Variants in PDE1C observed in about 807,000 individuals in gnomAD.
The protein encoded by PDE1C is dual specificity calcium/calmodulin-dependent 3',5'-cyclic nucleotide phosphodiesterase 1C.
In PDE1C, 62 loss-of-function variants were observed where a neutral mutation model predicts 93.1. The observed-to-expected ratio is 0.67, with a 90% CI of 0.54 to 0.82. PDE1C has a LOEUF of 0.82. PDE1C is among the 40% of genes least tolerant of loss of function. The probability of loss-of-function intolerance (pLI) is 0.00; values close to 1 mark genes in which losing one functional copy is unlikely to be tolerated. For missense variants in PDE1C, 742 were observed against 884.6 expected (o/e 0.84, Z 2.04); for synonymous variants, 325 against 310.1 (o/e 1.05, Z -0.50).
At chr7:31,960,014 C>A (rs1249581256) in intron 2 of PDE1C, among the ~76,000 whole-genome samples, 2 of 141,724 alleles carry the variant, frequency 1.4e-5, no homozygotes, top group African/African-American at 5.1e-5. Context: ...TACAAGCGCC[C>A]ACCATCACGC....
chr7:31,656,603 T>G, the PDE1C span: 2 of 467,126 alleles, frequency 4.3e-6, no homozygotes, highest in Non-Finnish European at 5.6e-6. Context: ...GAGGATAAAT[T>G]ATCAGTCTCA....
chr7:31,617,940 G>A, the PDE1C span, among the ~76,000 whole-genome samples: 1 of 152,152 alleles, frequency 6.6e-6, no homozygotes, highest in African/African-American at 2.4e-5. Context: ...TTGTAGTAAA[G>A]AAAATGGTAG....
chr7:32,170,288 G>C (rs1006245367), intron 2 of PDE1C, among the ~76,000 whole-genome samples: 3 of 151,976 alleles, frequency 2.0e-5, no homozygotes, highest in Non-Finnish European at 2.9e-5. Context: ...CCATTTTAGG[G>C]AACTGTGAGG....
intron 2 of PDE1C, among the ~76,000 whole-genome samples, chr7:32,042,531 A>G (rs986937841): frequency 9.2e-5 from 14 of 152,178 alleles, no homozygotes; most frequent in African/African-American, 3.4e-4. Flanking sequence ...CACCTGGCAC[A>G]CTGTAGACAC....
chr7:32,201,765 A>G (rs4720054), intron 2 of PDE1C, among the ~76,000 whole-genome samples: 32,869 of 152,202 alleles, frequency 0.22, 4,326 homozygotes, highest in Admixed American at 0.34. Flanking sequence ...TAGAATGGCT[A>G]AATGGACTGT....
At chr7:31,726,334 A>G in the PDE1C span, among the ~76,000 whole-genome samples, 2 of 152,226 alleles carry the variant, frequency 1.3e-5, no homozygotes, top group African/African-American at 2.4e-5. Flanking sequence ...CTGGGATTAT[A>G]GGTGGGAGCC....
At chr7:31,911,807 G>A (rs1400206637) in intron 2 of PDE1C, among the ~76,000 whole-genome samples, 1 of 152,176 alleles carries the variant, frequency 6.6e-6, no homozygotes, top group South Asian at 2.1e-4. Context: ...TAGAAAATCT[G>A]TGCAAATACC....
intron 2 of PDE1C, among the ~76,000 whole-genome samples, chr7:32,035,213 G>A (rs934714300): frequency 6.6e-6 from 1 of 151,686 alleles, no homozygotes; most frequent in South Asian, 2.1e-4. Context: ...TAAGACAAAC[G>A]CCTCCACAAC....
chr7:32,284,438 A>C (rs1042311091), intron 1 of PDE1C, among the ~76,000 whole-genome samples: 1 of 152,260 alleles, frequency 6.6e-6, no homozygotes, highest in Non-Finnish European at 1.5e-5. Flanking sequence ...CCTAGTACCT[A>C]GTATTCCAAA....
chr7:32,065,166 T>C lies in PDE1C; in HGVS notation c.101+5127A>G, dbSNP rs142757119. 2.2e-3 allele frequency among the ~76,000 whole-genome samples: 334 copies of C among 152,254 alleles called. 1 individual carries two copies. The highest frequency in any genetic ancestry group is 7.4e-3 in the African/African-American group (307 of 41,560). ...CCAACCATACTCTCTCCTTAGGGAA[T>C]TCTCAATGAGTGGTGAACATAGAGA... On this transcript the variant is annotated intron_variant, in intron 1 of 17. Transcript: ENST00000396191.
intron 1 of PDE1C, among the ~76,000 whole-genome samples, chr7:32,240,073 TTTG>T (rs1474790676): frequency 6.6e-6 from 1 of 152,212 alleles, no homozygotes; most frequent in Non-Finnish European, 1.5e-5. Flanking sequence ...GTGTGGATTT[TTTG>T]TTGTTTGTTT....
chr7:31,648,855 G>T, the PDE1C span, among the ~76,000 whole-genome samples: 1 of 152,336 alleles, frequency 6.6e-6, no homozygotes, highest in East Asian at 1.9e-4. Flanking sequence ...TAGAAGAAAA[G>T]AAATGAAACA....
chr7:32,406,457 A>C (rs1024696912), intron 1 of PDE1C, among the ~76,000 whole-genome samples: 1 of 151,594 alleles, frequency 6.6e-6, no homozygotes, highest in Non-Finnish European at 1.5e-5. Flanking sequence ...AAAAAATGCT[A>C]CTGAAAGCTG....
At chr7:32,070,965 T>G, upstream of PDE1C, 1 of 985,534 alleles carries the variant, frequency 1.0e-6, no homozygotes, top group Non-Finnish European at 1.2e-6. Context: ...GCCCCTCTGT[T>G]TTCTCTCACT....
chr7:32,264,449 G>T (rs886287522), intron 1 of PDE1C, among the ~76,000 whole-genome samples: 6 of 152,130 alleles, frequency 3.9e-5, no homozygotes, highest in Non-Finnish European at 8.8e-5. Flanking sequence ...CGACTACACC[G>T]AAATGTAAAC....
At position 31,888,218 on chromosome 7, in the gene PDE1C, C is replaced by G. The variant is rs189781482; in HGVS notation, c.129-7358G>C. 1.6e-4 allele frequency among the ~76,000 whole-genome samples: 22 copies of G among 133,556 alleles called. 1 individual carries two copies. In the East Asian group the frequency reaches 4.8e-3, roughly 29 times the overall value. The allele number at this position is 133,556 out of a possible 152,430, so 87.6% of individuals were successfully genotyped here. A position where few individuals can be genotyped will look rare whatever the true frequency, so the allele number is the denominator to read the frequency against. ...TGAGCCGAGATTGTGCCACTGCACT[C>G]CAGCCTGGGTGACAGAGCGAGACTC... is the stretch of plus-strand genomic sequence containing the variant. On this transcript the variant is annotated intron_variant, in intron 2 of 17. Transcript: ENST00000396191.
At position 32,312,293 on chromosome 7, in the gene PDE1C, G is replaced by A. The variant is rs567172534; in HGVS notation, c.311-102754C>T. 2.1e-3 allele frequency among the ~76,000 whole-genome samples: 321 copies of A among 151,908 alleles called. 3 individuals are homozygous for A. Among genetic ancestry groups the A allele is most frequent in the African/African-American group, 7.4e-3 (306 of 41,492 alleles). On this transcript the variant is annotated intron_variant, in intron 1 of 1. Coordinates refer to the PDE1C transcript ENST00000672256. Reference sequence around the variant, plus strand: ...ATGGAAGAACATTCCATGCTCATGGGTAGGAAGAATCAATATCGTGAAAAT... The same window carrying A: ...ATGGAAGAACATTCCATGCTCATGGATAGGAAGAATCAATATCGTGAAAAT...
Position 31,873,272 on chromosome 7 carries a change from C to G in PDE1C, c.609+20G>C, listed in dbSNP as rs771805207. 1 of 1,417,280 alleles carries G rather than the reference C, an allele frequency of 7.1e-7. No individual in the cohort carries two copies. Among genetic ancestry groups the G allele is most frequent in the South Asian group, 1.2e-5 (1 of 84,410 alleles). The allele number at this position is 1,417,280 out of a possible 1,614,324, so 87.8% of individuals were successfully genotyped here. A position where few individuals can be genotyped will look rare whatever the true frequency, so the allele number is the denominator to read the frequency against. On this transcript the variant is annotated intron_variant, in intron 6 of 17. Coordinates refer to ENST00000396191, the MANE Select transcript of PDE1C (RefSeq NM_001191057.4). Reference sequence around the variant, plus strand: ...TATGCATGTAGTTTATTTATTTTTTCTTTTTAAAGAGGTACTGACCTTGAA... The same window carrying G: ...TATGCATGTAGTTTATTTATTTTTTGTTTTTAAAGAGGTACTGACCTTGAA...
chr7:31,875,524 G>C (rs1328519624), intron 5 of PDE1C, among the ~76,000 whole-genome samples: 1 of 151,970 alleles, frequency 6.6e-6, no homozygotes, highest in African/African-American at 2.4e-5. Context: ...CAAGTACCCA[G>C]TTTAACTGCC....
Sources: allele counts gnomAD v4.1 joint callset (sites outside exome capture counted in the v4.1 genomes callset), GRCh38; gene constraint gnomAD v4.1.1; transcripts MANE v1.5; gene names NCBI Gene and HGNC (gene_info 2026-07-23, HGNC 2026-07-21).